Variants in NAV2 observed in about 807,000 individuals in gnomAD.
The protein encoded by NAV2 is neuron navigator 2.
In NAV2, 54 loss-of-function variants were observed where a neutral mutation model predicts 223.2. The observed-to-expected ratio is 0.24, with a 90% CI of 0.19 to 0.30. The LOEUF (loss-of-function observed/expected upper bound fraction) is 0.30, where lower values mean the gene tolerates loss of function less well. Among genes scored for constraint, NAV2 ranks in the 10% least tolerant of loss-of-function variants. NAV2 has a pLI of 1.00. For missense variants in NAV2, 2,806 were observed against 3,147.5 expected, an observed-to-expected ratio of 0.89 and a Z score of 2.60; for synonymous variants, 1,279 against 1,239.3, an observed-to-expected ratio of 1.03 and a Z score of -0.67.
chr11:19,872,660 G>T lies in NAV2; in HGVS notation c.511+3663G>T, dbSNP rs78597608. ...CCTTTCCCAGTCTAAAGCTGGGTTT[G>T]CACTCAGGAGGGTGTATGCACCTGT... is the stretch of plus-strand genomic sequence containing the variant. On this transcript the variant is annotated intron_variant, in intron 4 of 37. Coordinates refer to ENST00000349880, the MANE Select transcript of NAV2 (RefSeq NM_145117.5). Among the ~76,000 whole-genome samples the T allele has an allele frequency of 2.5e-3, 378 of 152,366 alleles. 1 individual carries two copies. The highest frequency in any genetic ancestry group is 8.5e-3 in the African/African-American group (354 of 41,580).
intron 10 of NAV2, among the ~76,000 whole-genome samples, chr11:19,969,949 AAAAAAAAG>A (rs1466553142): frequency 3.6e-4 from 55 of 152,038 alleles, no homozygotes; most frequent in Non-Finnish European, 6.3e-4. Flanking sequence ...CTGTCTCAAA[AAAAAAAAG>A]AAAAAAAGAA....
chr11:20,067,092 G>A (rs138546116), intron 20 of NAV2, among the ~76,000 whole-genome samples: 165 of 152,294 alleles, frequency 1.1e-3, no homozygotes, highest in Middle Eastern at 3.4e-3. Flanking sequence ...GCATGTAAGG[G>A]ACAAAGAGGG....
intron 6 of NAV2, among the ~76,000 whole-genome samples, chr11:19,909,131 C>T (rs1455804155): frequency 6.6e-6 from 1 of 152,106 alleles, no homozygotes; most frequent in Admixed American, 6.6e-5. Context: ...AAATGTCTCC[C>T]CTTTCTTGGA....
intron 1 of NAV2, among the ~76,000 whole-genome samples, chr11:19,606,551 C>T: frequency 6.6e-6 from 1 of 152,188 alleles, no homozygotes; most frequent in East Asian, 1.9e-4. Context: ...TGCCCAGTCC[C>T]AGCTCCTTGC....
chr11:19,369,323 T>G (rs1848393386), intron 1 of NAV2, among the ~76,000 whole-genome samples: 1 of 152,160 alleles, frequency 6.6e-6, no homozygotes, highest in Admixed American at 6.5e-5. Context: ...ATTCCTAGGG[T>G]GCAACTTAAT....
chr11:19,536,189 C>T (rs1222243565), intron 1 of NAV2, among the ~76,000 whole-genome samples: 1 of 152,186 alleles, frequency 6.6e-6, no homozygotes, highest in Non-Finnish European at 1.5e-5. Context: ...AGTTTTGTCT[C>T]CAGTTTCCAG....
intron 1 of NAV2, among the ~76,000 whole-genome samples, chr11:19,772,704 A>C (rs939225725): frequency 1.3e-5 from 2 of 152,162 alleles, no homozygotes; most frequent in African/African-American, 4.8e-5. Context: ...AAAAGCTGAC[A>C]TCCCCCCATC....
intron 12 of NAV2, among the ~76,000 whole-genome samples, chr11:20,043,560 A>G (rs981514588): frequency 6.6e-6 from 1 of 151,942 alleles, no homozygotes; most frequent in African/African-American, 2.4e-5. Context: ...TCCCACCTCA[A>G]CCACCCGAGT....
At chr11:20,046,334 T>G (rs2057421907) in intron 14 of NAV2, among the ~76,000 whole-genome samples, 1 of 131,450 alleles carries the variant, frequency 7.6e-6, no homozygotes, top group East Asian at 2.1e-4. Context: ...AGACTCCATC[T>G]CAAAAAAAAA....
At chr11:19,392,138 T>G (rs1169493043) in intron 1 of NAV2, among the ~76,000 whole-genome samples, 1 of 152,190 alleles carries the variant, frequency 6.6e-6, no homozygotes, top group Non-Finnish European at 1.5e-5. Flanking sequence ...AAAAGTAGTA[T>G]GGAATAGTGG....
At chr11:19,563,627 C>T (rs888773630) in intron 1 of NAV2, among the ~76,000 whole-genome samples, 1 of 152,142 alleles carries the variant, frequency 6.6e-6, no homozygotes, top group Non-Finnish European at 1.5e-5. Context: ...TTTATTTACC[C>T]AAGACCCATT....
chr11:19,744,827 T>C (rs1030473973), intron 1 of NAV2, among the ~76,000 whole-genome samples: 2 of 152,204 alleles, frequency 1.3e-5, no homozygotes, highest in Non-Finnish European at 2.9e-5. Flanking sequence ...CTGACATAGA[T>C]GTCAAATGCC....
rs1165574096 is a variant in NAV2 at position 20,077,954 on chromosome 11, A to G, written c.5068-39A>G. 3.9e-6 allele frequency: 6 copies of G among 1,521,694 alleles called. No homozygotes were observed. In the Admixed American group the frequency reaches 8.5e-5, roughly 22 times the overall value. The allele number at this position is 1,521,694 out of a possible 1,614,324, so 94.3% of individuals were successfully genotyped here. On this transcript the variant is annotated intron_variant, in intron 23 of 37. Coordinates refer to ENST00000349880, the MANE Select transcript of NAV2 (RefSeq NM_145117.5). ...GTACTTCAGTTGAACTCTGTACAGA[A>G]TGATTTTAGGCTGACCAATAATTTT... is the stretch of plus-strand genomic sequence containing the variant.
At chr11:19,769,851 G>C (rs766496681) in intron 1 of NAV2, among the ~76,000 whole-genome samples, 1 of 152,030 alleles carries the variant, frequency 6.6e-6, no homozygotes, top group African/African-American at 2.4e-5. Context: ...GGTTATTAGG[G>C]AGGCACTCAG....
At position 19,584,160 on chromosome 11, in the gene NAV2, T is replaced by G. The variant is rs1283446986; in HGVS notation, c.75+233133T>G. 2.6e-5 allele frequency among the ~76,000 whole-genome samples: 4 copies of G among 152,240 alleles called. No homozygotes were observed. The East Asian group carries it at 7.7e-4, about 29-fold the overall frequency. Reference sequence around the variant, plus strand: ...ATTTCTTCCAGATTTTCTAGTTTATTTGCATAGAGGTGTTCATAATATTCT... The same window carrying G: ...ATTTCTTCCAGATTTTCTAGTTTATGTGCATAGAGGTGTTCATAATATTCT... On this transcript the variant is annotated intron_variant, in intron 1 of 37. Transcript: ENST00000360655.
At chr11:19,779,941 G>T (rs2056604458) in intron 1 of NAV2, among the ~76,000 whole-genome samples, 1 of 152,190 alleles carries the variant, frequency 6.6e-6, no homozygotes, top group Non-Finnish European at 1.5e-5. Flanking sequence ...AATGAGGCCT[G>T]GGGCCAGAGG....
At chr11:19,995,670 G>A (rs1327477123) in intron 11 of NAV2, among the ~76,000 whole-genome samples, 3 of 152,100 alleles carry the variant, frequency 2.0e-5, no homozygotes, top group Admixed American at 2.0e-4. Flanking sequence ...TGGGGTCTTG[G>A]ACTTTTCTGA....
At chr11:19,468,469 C>T (rs1210707423) in intron 1 of NAV2, among the ~76,000 whole-genome samples, 1 of 152,204 alleles carries the variant, frequency 6.6e-6, no homozygotes, top group East Asian at 1.9e-4. Context: ...CTGATCTCTG[C>T]CTCCATCTTC....
At chr11:19,841,404 A>G (rs2060505424) in intron 2 of NAV2, among the ~76,000 whole-genome samples, 1 of 152,140 alleles carries the variant, frequency 6.6e-6, no homozygotes. Context: ...TCTTTTTCAG[A>G]CAGTTTCCAA....
Sources: gnomAD v4.1 joint callset for allele counts (sites outside exome capture counted in the v4.1 genomes callset) on GRCh38, gnomAD v4.1.1 for gene constraint, MANE v1.5 for transcripts, NCBI Gene and HGNC (gene_info 2026-07-23, HGNC 2026-07-21) for gene names.